Variants in MB21D2 observed in about 807,000 individuals in gnomAD.
MB21D2 encodes the protein nucleotidyltransferase MB21D2.
MB21D2 carries 9 observed loss-of-function variants against 33.3 expected under a neutral mutation model. The ratio of observed to expected loss-of-function variants is 0.27; its 90% CI spans 0.16 to 0.47. The LOEUF (loss-of-function observed/expected upper bound fraction) is 0.47. MB21D2 is among the 20% of genes least tolerant of loss of function. MB21D2 has a pLI of 0.99. For synonymous variants in MB21D2, 241 were observed against 236.3 expected, an observed-to-expected ratio of 1.02 and a Z score of -0.18; for missense variants, 540 against 624.6, an observed-to-expected ratio of 0.86 and a Z score of 1.44.
chr3:192,892,110 C>T (rs935693620), intron 1 of MB21D2, among the ~76,000 whole-genome samples: 35 of 152,292 alleles, frequency 2.3e-4, no homozygotes, highest in African/African-American at 6.7e-4. Flanking sequence ...ACACCCATGA[C>T]GACCACTCAC....
chr3:192,802,699 T>C (rs1394173074), intron 1 of MB21D2, among the ~76,000 whole-genome samples: 2 of 152,232 alleles, frequency 1.3e-5, no homozygotes, highest in Non-Finnish European at 2.9e-5. Context: ...GATTAGGTTG[T>C]GAAAATCATT....
intron 1 of MB21D2, among the ~76,000 whole-genome samples, chr3:192,871,848 G>A (rs1261184751): frequency 6.6e-6 from 1 of 152,096 alleles, no homozygotes; most frequent in Non-Finnish European, 1.5e-5. Context: ...AGCAAGGGGG[G>A]TGAGGGGAAA....
chr3:192,879,181 A>T (rs1255294750), intron 1 of MB21D2, among the ~76,000 whole-genome samples: 3 of 152,196 alleles, frequency 2.0e-5, no homozygotes, highest in Non-Finnish European at 4.4e-5. Flanking sequence ...AATAAAACTG[A>T]GCTTTGTGGG....
intron 1 of MB21D2, among the ~76,000 whole-genome samples, chr3:192,901,339 G>A (rs1714095640): frequency 6.6e-6 from 1 of 151,048 alleles, no homozygotes. Context: ...GGAGGCCGAG[G>A]CGGGCAGATC....
In MB21D2 at chr3:192,917,816, T is replaced by A. The variant is rs1407685758; in HGVS notation, c.25A>T (p.Asn9Tyr). MKMAAPTA[N>Y]KAASLGCNNK... ...TTACAGCCCAGGGAGGCTGCCTTGT[T>A]GGCGGTGGGAGCCGCCATCTTCATG... Residue 9 changes from asparagine to tyrosine, a missense_variant, in exon 1 of 2, where the codon AAC (asparagine) becomes TAC (tyrosine). Transcript: ENST00000392452. 2 of 1,610,844 alleles carry A rather than the reference T, an allele frequency of 1.2e-6. No individual in the cohort carries two copies. The highest frequency in any genetic ancestry group is 1.3e-5 in the African/African-American group (1 of 74,854).
chr3:192,875,345 A>G (rs1713407380), intron 1 of MB21D2, among the ~76,000 whole-genome samples: 1 of 152,220 alleles, frequency 6.6e-6, no homozygotes, highest in Non-Finnish European at 1.5e-5. Context: ...GAATGGATGA[A>G]TGGATGAATA....
At chr3:192,833,546 C>T (rs1226426252) in intron 1 of MB21D2, among the ~76,000 whole-genome samples, 1 of 152,198 alleles carries the variant, frequency 6.6e-6, no homozygotes, top group Non-Finnish European at 1.5e-5. Flanking sequence ...ATAATTAAGT[C>T]ACTAGGACCC....
intron 1 of MB21D2, among the ~76,000 whole-genome samples, chr3:192,871,353 A>T (rs746195449): frequency 4.6e-5 from 7 of 152,200 alleles, no homozygotes; most frequent in Admixed American, 2.0e-4. Flanking sequence ...CTTATGCCAA[A>T]AATGTGGCCC....
chr3:192,851,665 T>G (rs1369992279), intron 1 of MB21D2, among the ~76,000 whole-genome samples: 2 of 93,358 alleles, frequency 2.1e-5, no homozygotes, highest in Non-Finnish European at 3.9e-5. Flanking sequence ...CCGCTAATTT[T>G]TGTATTTTTT....
chr3:192,854,749 C>T (rs184345341), intron 1 of MB21D2, among the ~76,000 whole-genome samples: 4 of 152,304 alleles, frequency 2.6e-5, no homozygotes, highest in Admixed American at 2.6e-4. Flanking sequence ...TGTCCATCTA[C>T]CATTCCGAAA....
chr3:192,888,258 TCTC>T (rs1406105718), intron 1 of MB21D2, among the ~76,000 whole-genome samples: 1 of 151,892 alleles, frequency 6.6e-6, no homozygotes, highest in African/African-American at 2.4e-5. Flanking sequence ...CCTGAAAGAT[TCTC>T]CTCCTCAATC....
At chr3:192,908,322 A>T (rs1714255201) in intron 1 of MB21D2, among the ~76,000 whole-genome samples, 1 of 152,142 alleles carries the variant, frequency 6.6e-6, no homozygotes, top group Admixed American at 6.5e-5. Flanking sequence ...TATTCTTTAA[A>T]GCATGGGAAA....
At chr3:192,870,470 C>T (rs184332957) in intron 1 of MB21D2, among the ~76,000 whole-genome samples, 286 of 151,964 alleles carry the variant, frequency 1.9e-3, no homozygotes, top group African/African-American at 5.7e-3. Context: ...GTGGGTGGAT[C>T]GCTTGAGGTC....
chr3:192,912,843 T>C (rs1303417790), intron 1 of MB21D2, among the ~76,000 whole-genome samples: 2 of 152,212 alleles, frequency 1.3e-5, no homozygotes, highest in Non-Finnish European at 2.9e-5. Context: ...CAACTCTGAA[T>C]GATCTTGGCC....
At position 192,886,121 on chromosome 3, in the gene MB21D2, G is replaced by A. The variant is rs948842448; in HGVS notation, c.211+31509C>T. On this transcript the variant is annotated intron_variant, in intron 1 of 1. Transcript: ENST00000392452. ...ATTACAGGCGCCCACCTCCATGCCC[G>A]GCTAATTTTTGTATTTTTAGTAGAG... 5.9e-5 allele frequency among the ~76,000 whole-genome samples: 9 copies of A among 151,858 alleles called. No individual in the cohort carries two copies. In the South Asian group the frequency reaches 6.2e-4, roughly 11 times the overall value.
intron 1 of MB21D2, among the ~76,000 whole-genome samples, chr3:192,899,998 A>T (rs1381845439): frequency 6.6e-6 from 1 of 152,056 alleles, no homozygotes; most frequent in Non-Finnish European, 1.5e-5. Context: ...AAGATAGATT[A>T]CAGAGGCCAG....
At chr3:192,900,192 G>A (rs1714063582) in intron 1 of MB21D2, among the ~76,000 whole-genome samples, 1 of 151,054 alleles carries the variant, frequency 6.6e-6, no homozygotes, top group Non-Finnish European at 1.5e-5. Context: ...GCTGAAGCAG[G>A]AGAATGGTGT....
intron 1 of MB21D2, among the ~76,000 whole-genome samples, chr3:192,830,483 T>C (rs1266772051): frequency 1.3e-5 from 2 of 152,172 alleles, no homozygotes; most frequent in African/African-American, 4.8e-5. Flanking sequence ...GCTGCAGTAA[T>C]CTGCCTACCT....
chr3:192,881,913 CT>C (rs1340845106), intron 1 of MB21D2, among the ~76,000 whole-genome samples: 2 of 152,104 alleles, frequency 1.3e-5, no homozygotes, highest in Non-Finnish European at 1.5e-5. Flanking sequence ...TTATCCCAGT[CT>C]TATAAACATT....
Sources: gnomAD v4.1 joint callset for allele counts (sites outside exome capture counted in the v4.1 genomes callset) on GRCh38, gnomAD v4.1.1 for gene constraint, MANE v1.5 for transcripts, NCBI Gene and HGNC (gene_info 2026-07-23, HGNC 2026-07-21) for gene names.